NCKAP5: variants seen among roughly 807,000 people sequenced by gnomAD.
The protein encoded by NCKAP5 is NCK associated protein 5.
In NCKAP5, 92 loss-of-function variants were observed where a neutral mutation model predicts 167.0. The observed-to-expected ratio is 0.55, with a 90% CI of 0.47 to 0.66. The LOEUF (loss-of-function observed/expected upper bound fraction) is 0.66. Among genes scored for constraint, NCKAP5 ranks in the 30% least tolerant of loss-of-function variants. The pLI, the probability that NCKAP5 is intolerant of heterozygous loss-of-function variation, is 0.00. For synonymous variants in NCKAP5, 891 were observed against 877.4 expected (o/e 1.02, Z -0.27); for missense variants, 2,378 against 2,315.0 (o/e 1.03, Z -0.56).
chr2:133,256,544 A>C (rs1012891181), intron 4 of NCKAP5, among the ~76,000 whole-genome samples: 1 of 152,222 alleles, frequency 6.6e-6, no homozygotes, highest in Admixed American at 6.5e-5. Context: ...ACATATTAAA[A>C]AGCAAGGTCA....
intron 4 of NCKAP5, among the ~76,000 whole-genome samples, chr2:133,289,645 C>T (rs1049463141): frequency 4.0e-5 from 6 of 151,642 alleles, no homozygotes; most frequent in Admixed American, 1.3e-4. Context: ...GGGCCGAGAT[C>T]GTGCCACTAC....
chr2:133,280,250 T>C (rs567099543), intron 4 of NCKAP5, among the ~76,000 whole-genome samples: 12 of 152,266 alleles, frequency 7.9e-5, no homozygotes, highest in African/African-American at 2.6e-4. Flanking sequence ...TCCATCACAA[T>C]TGAGGCTTAG....
At position 133,131,867 on chromosome 2, in the gene NCKAP5, G is replaced by T. The variant is rs559793187; in HGVS notation, c.208-1756C>A. 4.6e-5 allele frequency among the ~76,000 whole-genome samples: 7 copies of T among 152,032 alleles called. No homozygotes were observed. The East Asian group carries it at 1.4e-3, about 29-fold the overall frequency. On this transcript the variant is annotated intron_variant, in intron 5 of 19. Transcript: ENST00000409261. ...ACTCTTTATGGTTATATACACAATTGACATTCCTCTTTTTATTGACTGATT... is the reference window on the plus strand; with the variant it reads ...ACTCTTTATGGTTATATACACAATTTACATTCCTCTTTTTATTGACTGATT...
chr2:133,480,013 C>T (rs1272143271), intron 3 of NCKAP5, among the ~76,000 whole-genome samples: 1 of 151,416 alleles, frequency 6.6e-6, no homozygotes, highest in Non-Finnish European at 1.5e-5. Flanking sequence ...CTCACTGCTA[C>T]CTCCACCTCC....
chr2:132,908,372 T>C (rs1292771021), intron 8 of NCKAP5, among the ~76,000 whole-genome samples: 1 of 152,174 alleles, frequency 6.6e-6, no homozygotes, highest in East Asian at 1.9e-4. Flanking sequence ...GGTCAGTCAA[T>C]TTCTCTCTTG....
At chr2:132,778,299 G>A (rs1682723405) in intron 15 of NCKAP5, among the ~76,000 whole-genome samples, 1 of 151,906 alleles carries the variant, frequency 6.6e-6, no homozygotes, top group Non-Finnish European at 1.5e-5. Context: ...TTCTAATTAA[G>A]GCTCTGAAAT....
At chr2:133,234,604 T>A (rs76987091) in intron 4 of NCKAP5, among the ~76,000 whole-genome samples, 3,424 of 152,236 alleles carry the variant, frequency 0.022, 79 homozygotes, top group South Asian at 0.04. Context: ...GAACAAAATA[T>A]AAAACTGTTC....
At chr2:132,788,581 C>T (rs190583013) in intron 13 of NCKAP5, among the ~76,000 whole-genome samples, 5 of 152,138 alleles carry the variant, frequency 3.3e-5, no homozygotes, top group East Asian at 3.9e-4. Context: ...ACTTAATAGG[C>T]GACTGGGAGC....
At chr2:133,155,921 C>G (rs1413015927) in intron 5 of NCKAP5, among the ~76,000 whole-genome samples, 1 of 152,202 alleles carries the variant, frequency 6.6e-6, no homozygotes, top group Non-Finnish European at 1.5e-5. Flanking sequence ...GCACACACAT[C>G]CAGTTGTCTC....
At chr2:133,014,513 T>C (rs1297894181) in intron 6 of NCKAP5, among the ~76,000 whole-genome samples, 1 of 152,220 alleles carries the variant, frequency 6.6e-6, no homozygotes, top group Non-Finnish European at 1.5e-5. Flanking sequence ...TTGTCCCTTA[T>C]GGCACAATAC....
chr2:133,299,063 T>A (rs777384045), intron 4 of NCKAP5, among the ~76,000 whole-genome samples: 1 of 151,832 alleles, frequency 6.6e-6, no homozygotes, highest in Non-Finnish European at 1.5e-5. Flanking sequence ...AATAAATAAA[T>A]AAAAATTAAC....
At chr2:133,283,900 C>T (rs1048619951) in intron 4 of NCKAP5, among the ~76,000 whole-genome samples, 7 of 152,082 alleles carry the variant, frequency 4.6e-5, no homozygotes, top group African/African-American at 1.7e-4. Flanking sequence ...CGTGAGCCAC[C>T]GTGCCCGGCC....
intron 16 of NCKAP5, among the ~76,000 whole-genome samples, chr2:132,761,259 C>A (rs1274262640): frequency 7.2e-5 from 11 of 152,176 alleles, no homozygotes; most frequent in Non-Finnish European, 5.9e-5. Context: ...TCCTTAAAAC[C>A]AGGTTCTGGG....
intron 1 of NCKAP5, among the ~76,000 whole-genome samples, chr2:133,567,730 G>A (rs1688669634): frequency 6.7e-6 from 1 of 149,900 alleles, no homozygotes; most frequent in African/African-American, 2.5e-5. Flanking sequence ...AGGAGGGGAC[G>A]AGAGACCATA....
rs746785063 is a variant in NCKAP5, at chr2:132,725,636, C to T, written c.5704G>A (p.Ala1902Thr). The T allele has an allele frequency of 1.4e-5, 22 of 1,609,306 alleles. No homozygotes were observed. Among genetic ancestry groups the T allele is most frequent in the African/African-American group, 1.2e-4 (9 of 74,756 alleles). ...RGQLVKALKS[A>T]APEIETT ...GTTCGCTGGTTGTTACCTGGGGCAG[C>T]GCTCTTCAGTGCTTTCACTAACTGT... is the stretch of plus-strand genomic sequence containing the variant. The change falls in exon 19 of 20, where the codon GCT (alanine) becomes ACT (threonine). Residue 1902 changes from alanine (A) to threonine (T), a missense_variant. Physicochemically the swap from Ala to Thr is moderately conservative, Grantham distance 58. Transcript: ENST00000409261.
At chr2:133,246,563 G>A (rs907432889) in intron 4 of NCKAP5, among the ~76,000 whole-genome samples, 4 of 152,212 alleles carry the variant, frequency 2.6e-5, no homozygotes, top group Non-Finnish European at 5.9e-5. Context: ...TGTGGGCAAC[G>A]TAAGGAATAC....
intron 3 of NCKAP5, among the ~76,000 whole-genome samples, chr2:133,327,509 G>A (rs912582428): frequency 6.6e-6 from 1 of 152,146 alleles, no homozygotes; most frequent in Non-Finnish European, 1.5e-5. Flanking sequence ...TGTTCTGCAG[G>A]TTGTAGCCTT....
At chr2:133,313,494 C>T (rs1185320166) in intron 3 of NCKAP5, among the ~76,000 whole-genome samples, 1 of 152,096 alleles carries the variant, frequency 6.6e-6, no homozygotes, top group Non-Finnish European at 1.5e-5. Context: ...AAGAGTTATA[C>T]TTATTTTTCA....
intron 4 of NCKAP5, among the ~76,000 whole-genome samples, chr2:133,219,174 G>A (rs990797103): frequency 6.6e-6 from 1 of 152,158 alleles, no homozygotes; most frequent in Non-Finnish European, 1.5e-5. Context: ...AAACAGCCAC[G>A]TGGAAACAGG....
Sources: gnomAD v4.1 joint callset for allele counts (sites outside exome capture counted in the v4.1 genomes callset) on GRCh38, gnomAD v4.1.1 for gene constraint, MANE v1.5 for transcripts, NCBI Gene and HGNC (gene_info 2026-07-23, HGNC 2026-07-21) for gene names.